Variants in ROR1 observed in about 807,000 individuals in gnomAD.
ROR1 encodes the protein ROR family WNT receptor 1.
ROR1 carries 19 observed loss-of-function variants against 78.8 expected under a neutral mutation model. That is an observed-to-expected ratio of 0.24 (90% CI 0.17 to 0.35). The LOEUF (loss-of-function observed/expected upper bound fraction) is 0.35. Ranked by LOEUF, ROR1 falls within the 10% of genes least tolerant of loss-of-function variation. The pLI, the probability that ROR1 is intolerant of heterozygous loss-of-function variation, is 1.00. For missense variants in ROR1, 917 were observed against 1,177.8 expected (o/e 0.78, Z 3.24); for synonymous variants, 386 against 433.6 (o/e 0.89, Z 1.36).
chr1:64,022,460 C>A (rs915650413), intron 2 of ROR1, among the ~76,000 whole-genome samples: 3 of 152,146 alleles, frequency 2.0e-5, no homozygotes, highest in African/African-American at 7.2e-5. Flanking sequence ...CAATGAAGAG[C>A]TTTGGTCTTG....
At chr1:63,795,467 T>G (rs1053667962) in intron 1 of ROR1, among the ~76,000 whole-genome samples, 3 of 152,184 alleles carry the variant, frequency 2.0e-5, no homozygotes, top group African/African-American at 7.2e-5. Flanking sequence ...CTTGAAAACT[T>G]GTGACTCTAG....
At chr1:63,913,051 A>G (rs1464951526) in intron 1 of ROR1, among the ~76,000 whole-genome samples, 1 of 152,126 alleles carries the variant, frequency 6.6e-6, no homozygotes, top group Admixed American at 6.6e-5. Context: ...TCTAGGAAAA[A>G]AAAAAGGCTC....
chr1:64,138,967 A>G (rs747362820), intron 5 of ROR1, among the ~76,000 whole-genome samples: 1 of 152,044 alleles, frequency 6.6e-6, no homozygotes, highest in Non-Finnish European at 1.5e-5. Context: ...GTTCGAGACC[A>G]GCCCGGCCTA....
chr1:63,950,609 C>T (rs1378364856), intron 1 of ROR1, among the ~76,000 whole-genome samples: 1 of 152,186 alleles, frequency 6.6e-6, no homozygotes, highest in Non-Finnish European at 1.5e-5. Context: ...GAATGCTTAA[C>T]CTCCTGGGAA....
At chr1:63,958,983 A>C (rs1345455029) in intron 1 of ROR1, among the ~76,000 whole-genome samples, 1 of 152,198 alleles carries the variant, frequency 6.6e-6, no homozygotes, top group African/African-American at 2.4e-5. Context: ...GAATAAGGGA[A>C]GAGTTGTGTA....
chr1:63,804,534 A>C (rs966058283), intron 1 of ROR1, among the ~76,000 whole-genome samples: 1 of 152,234 alleles, frequency 6.6e-6, no homozygotes, highest in African/African-American at 2.4e-5. Flanking sequence ...AGAACTCTAC[A>C]GTGAAGAACC....
Position 64,137,510 on chromosome 1 carries a change from A to G in ROR1, c.610+14A>G, listed in dbSNP as rs150006018. On this transcript the variant is annotated intron_variant, in intron 5 of 8. Transcript: ENST00000371079. ...ATCAGATCACAGGTAGGTAGCACCA[A>G]TGAAATTATATTTGTCCCTTGAATA... is the stretch of plus-strand genomic sequence containing the variant. 176 of 1,606,206 alleles carry G rather than the reference A, an allele frequency of 1.1e-4. No individual in the cohort carries two copies. The highest frequency in any genetic ancestry group is 1.0e-3 in the Admixed American group (59 of 58,628).
chr1:63,936,871 G>T (rs1021832823), intron 1 of ROR1, among the ~76,000 whole-genome samples: 2 of 152,156 alleles, frequency 1.3e-5, no homozygotes, highest in Non-Finnish European at 2.9e-5. Flanking sequence ...GAGGGCAGGG[G>T]CCGTCTCTGA....
At chr1:63,943,710 T>C (rs1019888647) in intron 1 of ROR1, among the ~76,000 whole-genome samples, 3 of 152,356 alleles carry the variant, frequency 2.0e-5, no homozygotes, top group African/African-American at 7.2e-5. Context: ...TGTCATTTGA[T>C]TATAGGTAGA....
At chr1:64,125,199 T>C (rs1648668912) in intron 4 of ROR1, among the ~76,000 whole-genome samples, 1 of 152,210 alleles carries the variant, frequency 6.6e-6, no homozygotes, top group Non-Finnish European at 1.5e-5. Flanking sequence ...GGCTTTGGCT[T>C]TCCAGACTCA....
At chr1:63,948,589 T>A (rs2100466705) in intron 1 of ROR1, among the ~76,000 whole-genome samples, 1 of 152,262 alleles carries the variant, frequency 6.6e-6, no homozygotes, top group East Asian at 1.9e-4. Context: ...CCAGTGAACA[T>A]ACATAATGCT....
chr1:63,936,616 C>A (rs966013923), intron 1 of ROR1, among the ~76,000 whole-genome samples: 1 of 152,102 alleles, frequency 6.6e-6, no homozygotes, highest in Non-Finnish European at 1.5e-5. Context: ...TCCTTCTTTC[C>A]TTCCTTGTCT....
chr1:64,078,674 TAAG>T (rs1029778890), intron 4 of ROR1, among the ~76,000 whole-genome samples: 1 of 151,940 alleles, frequency 6.6e-6, no homozygotes, highest in Non-Finnish European at 1.5e-5. Context: ...GGAAGAAAGA[TAAG>T]AAGAGAACCA....
At chr1:63,844,862 A>G (rs74077431) in intron 1 of ROR1, among the ~76,000 whole-genome samples, 6,432 of 152,214 alleles carry the variant, frequency 0.042, 310 homozygotes, top group African/African-American at 0.11. Context: ...AAGATCTTCA[A>G]TTTCTCAGAA....
intron 1 of ROR1, among the ~76,000 whole-genome samples, chr1:63,852,238 C>G (rs1260701): frequency 0.17 from 25,571 of 152,210 alleles, 4,574 homozygotes; most frequent in African/African-American, 0.45. Context: ...GTGGTGCTGC[C>G]TGGACTCAGC....
intron 1 of ROR1, among the ~76,000 whole-genome samples, chr1:63,784,392 C>T (rs1644671485): frequency 6.6e-6 from 1 of 152,144 alleles, no homozygotes; most frequent in Non-Finnish European, 1.5e-5. Context: ...TGACTATTTT[C>T]ACTACTGTTT....
At chr1:64,105,902 C>G (rs546387812) in intron 4 of ROR1, 1 of 152,244 alleles carries the variant, frequency 6.6e-6, no homozygotes, top group Admixed American at 6.5e-5. Flanking sequence ...ATGCCTCCAG[C>G]TTTGTTCTTT....
chr1:63,846,118 ATGTGTGTGTGTGTGTGTG>A (rs71056009), intron 1 of ROR1, among the ~76,000 whole-genome samples: 10,000 of 136,376 alleles, frequency 0.073, 384 homozygotes, highest in African/African-American at 0.1. Flanking sequence ...GAGAGAGAGA[ATGTGTGTGTGTGTGTGTG>A]TGTGTGTGTG....
chr1:64,054,337 G>C (rs1646856904), intron 4 of ROR1, among the ~76,000 whole-genome samples: 1 of 151,968 alleles, frequency 6.6e-6, no homozygotes, highest in South Asian at 2.1e-4. Flanking sequence ...GAGTTCAGTG[G>C]CATGACCTTG....
Sources: gnomAD v4.1 joint callset for allele counts (sites outside exome capture counted in the v4.1 genomes callset) on GRCh38, gnomAD v4.1.1 for gene constraint, MANE v1.5 for transcripts, NCBI Gene and HGNC (gene_info 2026-07-23, HGNC 2026-07-21) for gene names.